CFAP57: variants seen among roughly 807,000 people sequenced by gnomAD.
The protein encoded by CFAP57 is cilia and flagella associated protein 57, also known as cilia- and flagella-associated protein 57.
A neutral mutation model predicts 146.8 loss-of-function variants in CFAP57; 116 were observed. The observed-to-expected ratio is 0.79, with a 90% CI of 0.68 to 0.92. The LOEUF (loss-of-function observed/expected upper bound fraction) is 0.92, where lower values mean the gene tolerates loss of function less well. Among genes scored for constraint, CFAP57 ranks in the 40% least tolerant of loss-of-function variants. The probability of loss-of-function intolerance (pLI) is 0.00; values close to 1 mark genes in which losing one functional copy is unlikely to be tolerated. For synonymous variants in CFAP57, 518 were observed against 552.8 expected, an observed-to-expected ratio of 0.94 and a Z score of 0.88; for missense variants, 1,377 against 1,527.2, an observed-to-expected ratio of 0.90 and a Z score of 1.64.
intron 22 of CFAP57, among the ~76,000 whole-genome samples, 163 bp from the exon 23 acceptor site, chr1:43,253,814 C>T (rs1247286452): frequency 2.0e-5 from 3 of 151,996 alleles, no homozygotes; most frequent in Admixed American, 6.5e-5. Context: ...CATCTCTCTG[C>T]GAGACAGCAA....
rs1487600418 is a variant in CFAP57 at position 43,221,361 on chromosome 1, C to T, written c.2248-11C>T. On this transcript the variant is annotated splice_polypyrimidine_tract_variant and intron_variant, in intron 13 of 22. Transcript: ENST00000372492. ...GATGTGTGTAAATGAGGAAATGTGA[C>T]TCTGTTTTAGGTCTTAAGAACAGAA... 5 of 1,529,356 alleles carry T rather than the reference C, an allele frequency of 3.3e-6. No homozygotes were observed. Among genetic ancestry groups the T allele is most frequent in the South Asian group, 1.2e-5 (1 of 80,116 alleles). The allele number at this position is 1,529,356 out of a possible 1,614,324, so 94.7% of individuals were successfully genotyped here. A position where few individuals can be genotyped will look rare whatever the true frequency, so the allele number is the denominator to read the frequency against.
rs962810102 is a variant in CFAP57, at chr1:43,228,517, C to T, written c.3009+1391C>T. Among the ~76,000 whole-genome samples the T allele has an allele frequency of 2.4e-4, 36 of 148,858 alleles. 3 individuals carry two copies. Among genetic ancestry groups the T allele is most frequent in the African/African-American group, 8.5e-4 (34 of 39,824 alleles). ...AGAGCCATGGGGGTGCCAGTCTGCC[C>T]GGTGACGCCTGTACTCTGGTAAGCC... On this transcript the variant is annotated intron_variant, in intron 18 of 22. Transcript: ENST00000372492.
intron 18 of CFAP57, among the ~76,000 whole-genome samples, chr1:43,227,391 G>A (rs781778546): frequency 6.6e-5 from 10 of 152,204 alleles, no homozygotes; most frequent in South Asian, 2.1e-4. Flanking sequence ...CTCAGTGTGC[G>A]GTGTACTGTG....
chr1:43,248,305 C>G (rs1420528306), intron 22 of CFAP57, among the ~76,000 whole-genome samples: 1 of 150,294 alleles, frequency 6.7e-6, no homozygotes, highest in Non-Finnish European at 1.5e-5. Flanking sequence ...TACATTGTTT[C>G]ATAAAAAAAT....
At chr1:43,204,665 C>T (rs1644282286) in intron 9 of CFAP57, among the ~76,000 whole-genome samples, 1 of 152,120 alleles carries the variant, frequency 6.6e-6, no homozygotes, top group Non-Finnish European at 1.5e-5. Context: ...GCCTAAGCTG[C>T]TTATTAGTTA....
intron 6 of CFAP57, among the ~76,000 whole-genome samples, chr1:43,197,011 A>G (rs1017747768): frequency 2.0e-5 from 3 of 152,214 alleles, no homozygotes; most frequent in Non-Finnish European, 2.9e-5. Context: ...AAATTCTAAG[A>G]TATCCATTGA....
intron 6 of CFAP57, among the ~76,000 whole-genome samples, chr1:43,188,984 C>T (rs777060008): frequency 7.2e-5 from 11 of 152,260 alleles, no homozygotes; most frequent in Admixed American, 1.3e-4. Context: ...GATATCCAGT[C>T]GTCACAGCAT....
At position 43,201,637 on chromosome 1, in the gene CFAP57, CAG is replaced by C. The variant is rs1469946805; in HGVS notation, c.1542+2137_1542+2138del. On this transcript the variant is annotated intron_variant, in intron 9 of 22. Transcript: ENST00000372492. This position sits in a 1 kb window ranked among gnomAD's most constrained non-coding sequence, Gnocchi z 4.4. The stretch of plus-strand genomic sequence containing the variant: ...AGTAACACAAACTCTTTTTTTGAGA[CAG>C]AGTTTCGCTTTCGTTGCCCAGGCTG... Among the ~76,000 whole-genome samples the C allele has an allele frequency of 2.0e-5, 3 of 152,102 alleles. No individual in the cohort carries two copies. The highest frequency in any genetic ancestry group is 4.4e-5 in the Non-Finnish European group (3 of 68,012).
chr1:43,175,245 C>T (rs561629376), intron 2 of CFAP57, among the ~76,000 whole-genome samples: 1 of 151,934 alleles, frequency 6.6e-6, no homozygotes, highest in South Asian at 2.1e-4. Flanking sequence ...TATACACATA[C>T]ACCATATACA....
At chr1:43,228,224 C>T (rs1202544749) in intron 18 of CFAP57, among the ~76,000 whole-genome samples, 1 of 152,232 alleles carries the variant, frequency 6.6e-6, no homozygotes, top group Non-Finnish European at 1.5e-5. Context: ...TGCTCCAGCC[C>T]ACTGACTTTC....
At position 43,209,923 on chromosome 1, in the gene CFAP57, A is replaced by G; in HGVS notation, c.1929+7A>G. 1 of 1,614,258 alleles carries G rather than the reference A, an allele frequency of 6.2e-7. No homozygotes were observed. The highest frequency in any genetic ancestry group is 8.5e-7 in the Non-Finnish European group (1 of 1,180,042). ...TGCCGGTCCTATCACCAAGGTGAGC[A>G]GGGCCCTCTCCCCAGGAACCCAGTC... On this transcript the variant is annotated splice_region_variant and intron_variant, in intron 11 of 22. Coordinates refer to ENST00000372492, the MANE Select transcript of CFAP57 (RefSeq NM_001378189.1).
At chr1:43,179,995 T>C (rs1645325852) in intron 2 of CFAP57, among the ~76,000 whole-genome samples, 1 of 151,750 alleles carries the variant, frequency 6.6e-6, no homozygotes, top group African/African-American at 2.4e-5. Flanking sequence ...TCACCTGAAG[T>C]TGGGAGTTCG....
rs780656633 is a variant in CFAP57 at position 43,199,519 on chromosome 1, G to A, written c.1542+16G>A. ...CACAGGGAAGGTAAGTGAGTGAACA[G>A]TCTCTGGGGAAACAAGGGGCACGGA... On this transcript the variant is annotated intron_variant, in intron 9 of 22. Transcript: ENST00000372492. 3 of 1,613,020 alleles carry A rather than the reference G, an allele frequency of 1.9e-6. No individual in the cohort carries two copies. The East Asian group carries it at 6.7e-5, about 36-fold the overall frequency.
chr1:43,248,484 A>AT (rs113730554), intron 22 of CFAP57, among the ~76,000 whole-genome samples: 53,550 of 148,980 alleles, frequency 0.36, 9,898 homozygotes, highest in Non-Finnish European at 0.41. Flanking sequence ...GACCTGGCTA[A>AT]TTTTTTTTTG....
rs147830038 is a variant in CFAP57, at chr1:43,246,795, G to A, written c.3538+3436G>A. Among the ~76,000 whole-genome samples the A allele has an allele frequency of 4.8e-4, 73 of 152,226 alleles. No homozygotes were observed. In the East Asian group the frequency reaches 0.014, roughly 29 times the overall value. On this transcript the variant is annotated intron_variant, in intron 22 of 22. Coordinates refer to ENST00000372492, the MANE Select transcript of CFAP57 (RefSeq NM_001378189.1). ...AAACCTGAACATATTTTGTTTTCGA[G>A]TACATACATGACGGCCCATCAGTGA...
At chr1:43,198,418 A>T (rs890054964) in intron 7 of CFAP57, 63 bp from the exon 8 acceptor site, 2 of 1,530,434 alleles carry the variant, frequency 1.3e-6, no homozygotes, top group Non-Finnish European at 1.8e-6. Context: ...TATCAGATAC[A>T]GTAGATGACT....
At chr1:43,186,941 A>G in intron 6 of CFAP57, 82 bp downstream of exon 6, 1 of 1,551,496 alleles carries the variant, frequency 6.4e-7, no homozygotes, top group Non-Finnish European at 8.8e-7. Context: ...GCAAATTTTA[A>G]TCCAAATAAG....
At chr1:43,219,955 A>AAAATAAATAAATAAAT (rs371475523) in intron 13 of CFAP57, among the ~76,000 whole-genome samples, 5 of 151,990 alleles carry the variant, frequency 3.3e-5, no homozygotes, top group African/African-American at 1.2e-4. Context: ...ACTCTGTCTA[A>AAAATAAATAAATAAAT]AAATAAATAA....
rs745689058 is a variant in CFAP57, at chr1:43,185,183, C to T, written c.796C>T (p.Pro266Ser). ...IEFPPVSSPL[P>S]SYEQMVAASS... ...ATTTCCACCAGTCAGTTCTCCACTC[C>T]CTTCCTATGAACAGATGGTGGCGGC... is the stretch of plus-strand genomic sequence containing the variant. The change falls in exon 5 of 23, where the codon CCT becomes TCT. Residue 266 changes from proline (P) to serine (S), a missense_variant. By Grantham distance (74) the Pro-to-Ser change is moderately conservative. Transcript: ENST00000372492. The T allele has an allele frequency of 1.7e-5, 28 of 1,614,124 alleles. No homozygotes were observed. The highest frequency in any genetic ancestry group is 2.1e-5 in the Non-Finnish European group (25 of 1,180,030).
Sources: allele counts gnomAD v4.1 joint callset (sites outside exome capture counted in the v4.1 genomes callset), GRCh38; gene constraint gnomAD v4.1.1; non-coding constraint Gnocchi (gnomAD v3.1); transcripts MANE v1.5; gene names NCBI Gene and HGNC (gene_info 2026-07-23, HGNC 2026-07-21).